The following CD109 variants were observed in gnomAD, a reference collection of about 807,000 sequenced individuals.
CD109 encodes CD109 molecule, also known as CD109 antigen.
In CD109, 149 loss-of-function variants were observed where a neutral mutation model predicts 165.8. The ratio of observed to expected loss-of-function variants is 0.90; its 90% CI spans 0.79 to 1.03. The LOEUF is 1.03. Among genes scored for constraint, CD109 ranks in the 50% least tolerant of loss-of-function variants. The probability of loss-of-function intolerance (pLI) is 0.00; values close to 1 mark genes in which losing one functional copy is unlikely to be tolerated. For synonymous variants in CD109, 585 were observed against 592.1 expected, an observed-to-expected ratio of 0.99 and a Z score of 0.18; for missense variants, 1,712 against 1,677.8, an observed-to-expected ratio of 1.02 and a Z score of -0.36.
chr6:73,737,002 A>C (rs922060418), intron 5 of CD109, among the ~76,000 whole-genome samples: 2 of 152,210 alleles, frequency 1.3e-5, no homozygotes, highest in Non-Finnish European at 2.9e-5. Flanking sequence ...CAACTTGTAT[A>C]GCTCTGAAAT....
intron 8 of CD109, 93 bp from the exon 9 acceptor site, chr6:73,762,648 G>A (rs894675839): frequency 9.5e-7 from 1 of 1,057,094 alleles, no homozygotes; most frequent in Admixed American, 2.3e-5. Context: ...AATGGTACCA[G>A]AGCTATCATA....
At chr6:73,799,569 C>T (rs1024384149) in intron 23 of CD109, among the ~76,000 whole-genome samples, 1 of 152,124 alleles carries the variant, frequency 6.6e-6, no homozygotes, top group East Asian at 1.9e-4. Context: ...GGAACAGGCA[C>T]ATCACATGGT....
At chr6:73,806,771 T>C in intron 24 of CD109, 73 bp from the exon 25 acceptor site, 2 of 1,014,700 alleles carry the variant, frequency 2.0e-6, no homozygotes, top group East Asian at 5.1e-5. Flanking sequence ...AGTGTTGTTG[T>C]TTTGCTTGCT....
chr6:73,772,965 C>T (rs1427116757), intron 15 of CD109, among the ~76,000 whole-genome samples: 3 of 148,210 alleles, frequency 2.0e-5, no homozygotes, highest in Non-Finnish European at 4.5e-5. Context: ...TTCCTGAGTT[C>T]ACATTAGTTT....
intron 10 of CD109, among the ~76,000 whole-genome samples, chr6:73,764,639 A>T (rs1044340004): frequency 2.6e-5 from 4 of 151,396 alleles, no homozygotes; most frequent in African/African-American, 9.7e-5. Flanking sequence ...ACATGGAGAA[A>T]CCCCATCTCC....
At chr6:73,704,084 C>T (rs1040230754) in intron 2 of CD109, among the ~76,000 whole-genome samples, 2 of 150,846 alleles carry the variant, frequency 1.3e-5, no homozygotes, top group African/African-American at 4.9e-5. Flanking sequence ...ACTTGGGAGG[C>T]TGAGGCAGGA....
chr6:73,820,536 G>A lies in CD109; in HGVS notation c.4135G>A (p.Val1379Met). 1 of 1,608,046 alleles carries A rather than the reference G, an allele frequency of 6.2e-7. No individual in the cohort carries two copies. The highest frequency in any genetic ancestry group is 8.5e-7 in the Non-Finnish European group (1 of 1,175,158). ...FKVSNTQDAS[V>M]SIVDYYEPRR... The stretch of plus-strand genomic sequence containing the variant: ...AGTTTCAAATACCCAAGATGCTTCA[G>A]TGTCCATAGTGGATTACTATGAGCC... Residue 1379 changes from valine to methionine, a missense_variant, in exon 32 of 33, where the codon GTG (valine) becomes ATG (methionine). Val to Met is a conservative substitution (Grantham distance 21, BLOSUM62 1). Coordinates refer to ENST00000287097, the MANE Select transcript of CD109 (RefSeq NM_133493.5).
At chr6:73,784,185 C>G (rs72957339) in intron 19 of CD109, among the ~76,000 whole-genome samples, 16,779 of 152,146 alleles carry the variant, frequency 0.11, 1,186 homozygotes, top group Non-Finnish European at 0.16. Context: ...CAGAACTTCT[C>G]AAGATGTTCC....
chr6:73,771,305 A>T, intron 14 of CD109, 124 bp from the exon 15 acceptor site: 1 of 710,714 alleles, frequency 1.4e-6, no homozygotes, highest in South Asian at 2.0e-5. Flanking sequence ...GCATGGTTTT[A>T]GAATTATCCC....
intron 21 of CD109, 128 bp from the exon 22 acceptor site, chr6:73,788,335 AATGAT>A: frequency 1.8e-6 from 1 of 554,722 alleles, no homozygotes; most frequent in Non-Finnish European, 3.0e-6. Context: ...CAAAATAAGA[AATGAT>A]AGGTGCCTAT....
At chr6:73,794,231 C>T (rs560300762) in intron 23 of CD109, among the ~76,000 whole-genome samples, 1 of 152,268 alleles carries the variant, frequency 6.6e-6, no homozygotes, top group Non-Finnish European at 1.5e-5. Context: ...AATTGAGGCA[C>T]AGAGAGGTTA....
At chr6:73,800,155 C>T (rs7749499) in intron 23 of CD109, among the ~76,000 whole-genome samples, 1 of 151,936 alleles carries the variant, frequency 6.6e-6, no homozygotes, top group Admixed American at 6.6e-5. Flanking sequence ...CTTGGCGCCT[C>T]GCCTCATTTC....
At chr6:73,759,741 A>G (rs1773537349) in intron 7 of CD109, among the ~76,000 whole-genome samples, 1 of 152,158 alleles carries the variant, frequency 6.6e-6, no homozygotes, top group Non-Finnish European at 1.5e-5. Flanking sequence ...ATATCCTGGC[A>G]TTCTAGTTTT....
rs1217234909 is a variant in CD109 at position 73,782,610 on chromosome 6, A to G, written c.1964-4A>G. The G allele has an allele frequency of 1.2e-6, 2 of 1,610,706 alleles. No individual in the cohort carries two copies. Among genetic ancestry groups the G allele is most frequent in the Non-Finnish European group, 1.7e-6 (2 of 1,177,806 alleles). On this transcript the variant is annotated splice_region_variant and splice_polypyrimidine_tract_variant and intron_variant, in intron 17 of 32. Coordinates refer to ENST00000287097, the MANE Select transcript of CD109 (RefSeq NM_133493.5). Reference sequence around the variant, plus strand: ...TTCTAACTACTGTCAATGTTTATTTATAGATGACAATGCAGAATATGCTGA... The same window carrying G: ...TTCTAACTACTGTCAATGTTTATTTGTAGATGACAATGCAGAATATGCTGA...
upstream of CD109, among the ~76,000 whole-genome samples, chr6:73,692,293 T>C (rs1226581706): frequency 6.6e-6 from 1 of 152,190 alleles, no homozygotes; most frequent in Non-Finnish European, 1.5e-5. Context: ...TAGGTTTTCA[T>C]GCAATAAGCA....
chr6:73,799,951 G>A (rs1207623583), intron 23 of CD109, among the ~76,000 whole-genome samples: 2 of 151,396 alleles, frequency 1.3e-5, no homozygotes, highest in Non-Finnish European at 2.9e-5. Context: ...TGACTTACTG[G>A]GCTCAGGTGA....
In CD109 at chr6:73,826,670, G is replaced by C. The variant is rs1353884661; in HGVS notation, c.*3037G>C. 1 of 152,008 alleles carries C rather than the reference G, an allele frequency of 6.6e-6. No individual in the cohort carries two copies. The highest frequency in any genetic ancestry group is 1.5e-5 in the Non-Finnish European group (1 of 67,996). 9.4% of individuals were successfully genotyped at this position (152,008 alleles called of 1,614,324 possible). ...AAACATTGTAAAAATAGTATCTTTG[G>C]TTTAGTATTTTGGATTATATATTAT... On this transcript the variant is annotated 3_prime_UTR_variant, in exon 33 of 33. Transcript: ENST00000287097.
chr6:73,688,846 G>A, the CD109 span, among the ~76,000 whole-genome samples: 1 of 131,216 alleles, frequency 7.6e-6, no homozygotes, highest in East Asian at 2.3e-4. Flanking sequence ...CAAGCTCACT[G>A]CAGCCTCAAT....
chr6:73,734,085 G>T (rs1388607275), intron 4 of CD109, among the ~76,000 whole-genome samples: 1 of 152,192 alleles, frequency 6.6e-6, no homozygotes, highest in South Asian at 2.1e-4. Context: ...GCTGGGCTCC[G>T]CTGTGACATC....
Sources: gnomAD v4.1 joint callset for allele counts (sites outside exome capture counted in the v4.1 genomes callset) on GRCh38, gnomAD v4.1.1 for gene constraint, MANE v1.5 for transcripts, NCBI Gene and HGNC (gene_info 2026-07-23, HGNC 2026-07-21) for gene names.